KSR2: variants seen among roughly 807,000 people sequenced by gnomAD.
KSR2 encodes kinase suppressor of ras 2.
A neutral mutation model predicts 107.8 loss-of-function variants in KSR2; 25 were observed. The observed-to-expected ratio is 0.23, with a 90% confidence interval of 0.17 to 0.32. The LOEUF (loss-of-function observed/expected upper bound fraction) is 0.32, where lower values mean the gene tolerates loss of function less well. Ranked by LOEUF, KSR2 falls within the 10% of genes least tolerant of loss-of-function variation. The probability of loss-of-function intolerance (pLI) is 1.00; values close to 1 mark genes in which losing one functional copy is unlikely to be tolerated. For missense variants in KSR2, 887 were observed against 1,268.9 expected, an observed-to-expected ratio of 0.70 and a Z score of 4.57; for synonymous variants, 480 against 507.0, an observed-to-expected ratio of 0.95 and a Z score of 0.71.
At chr12:117,510,968 G>C (rs548507173) in intron 14 of KSR2, among the ~76,000 whole-genome samples, 24 of 151,706 alleles carry the variant, frequency 1.6e-4, no homozygotes, top group Admixed American at 1.0e-3. Flanking sequence ...TATTTTCAGA[G>C]CCTTATGTCT....
intron 9 of KSR2, among the ~76,000 whole-genome samples, chr12:117,554,499 A>G (rs1877522762): frequency 6.6e-6 from 1 of 152,134 alleles, no homozygotes; most frequent in African/African-American, 2.4e-5. Flanking sequence ...CTGGGTCTCC[A>G]CCCAAATCTC....
At chr12:117,955,198 T>C (rs1191101399) in intron 1 of KSR2, among the ~76,000 whole-genome samples, 1 of 151,980 alleles carries the variant, frequency 6.6e-6, no homozygotes, top group Admixed American at 6.6e-5. Flanking sequence ...CATGGCTCAC[T>C]GCAGCCTCAA....
intron 5 of KSR2, among the ~76,000 whole-genome samples, chr12:117,645,124 G>A (rs1373940647): frequency 6.6e-6 from 1 of 152,170 alleles, no homozygotes; most frequent in Non-Finnish European, 1.5e-5. Flanking sequence ...ACTTAGAACT[G>A]TGAAGATGGA....
intron 1 of KSR2, among the ~76,000 whole-genome samples, chr12:117,940,757 T>C (rs542994241): frequency 1.3e-5 from 2 of 152,356 alleles, no homozygotes; most frequent in Admixed American, 6.5e-5. Flanking sequence ...TTTTATAGCA[T>C]TTTTTGTTTT....
chr12:117,609,396 C>T (rs1014480666), intron 5 of KSR2, among the ~76,000 whole-genome samples: 3 of 152,254 alleles, frequency 2.0e-5, no homozygotes, highest in African/African-American at 7.2e-5. Context: ...TAGAATCTAA[C>T]TAACCCAGAG....
chr12:117,594,981 GAC>G (rs10531921), intron 5 of KSR2, among the ~76,000 whole-genome samples: 94,106 of 151,790 alleles, frequency 0.62, 30,520 homozygotes, highest in East Asian at 0.78. Context: ...TGCCCAGAAA[GAC>G]AGGGAAGGAC....
intron 4 of KSR2, among the ~76,000 whole-genome samples, chr12:117,722,339 G>C (rs1471161767): frequency 6.6e-6 from 1 of 152,206 alleles, no homozygotes; most frequent in Non-Finnish European, 1.5e-5. Flanking sequence ...ATCTTGAAGA[G>C]GAGCTGGGTA....
At position 117,481,238 on chromosome 12, in the gene KSR2, G is replaced by A. The variant is rs151125708; in HGVS notation, c.2450+3178C>T. 4.6e-5 allele frequency among the ~76,000 whole-genome samples: 7 copies of A among 152,236 alleles called. No individual in the cohort carries two copies. The East Asian group carries it at 1.4e-3, about 29-fold the overall frequency. On this transcript the variant is annotated intron_variant, in intron 16 of 19. Coordinates refer to ENST00000339824, the MANE Select transcript of KSR2 (RefSeq NM_173598.6). ...AGGTGTGTGTTAAACACAAGTTTCTGGAATCTATCTCAAGGTATTATAGAC... is the reference window on the plus strand; with the variant it reads ...AGGTGTGTGTTAAACACAAGTTTCTAGAATCTATCTCAAGGTATTATAGAC...
At chr12:117,760,025 C>A (rs557660781) in intron 4 of KSR2, among the ~76,000 whole-genome samples, 1 of 152,322 alleles carries the variant, frequency 6.6e-6, no homozygotes, top group Admixed American at 6.5e-5. Flanking sequence ...AGGAGAATCA[C>A]TTGAACCTGG....
chr12:117,779,418 A>G lies in KSR2; in HGVS notation c.473-17894T>C, dbSNP rs79676763. 9.2e-3 allele frequency among the ~76,000 whole-genome samples: 1,397 copies of G among 152,314 alleles called. 31 individuals carry two copies. The highest frequency in any genetic ancestry group is 0.032 in the African/African-American group (1,312 of 41,568). On this transcript the variant is annotated intron_variant, in intron 3 of 19. Coordinates refer to ENST00000339824, the MANE Select transcript of KSR2 (RefSeq NM_173598.6). ...AAATTTCTTAACCTCTCTGAACTTC[A>G]GTTCATGCATCTAAAAAGGGAATAA...
At chr12:117,547,997 T>A (rs1565894813) in intron 9 of KSR2, among the ~76,000 whole-genome samples, 1 of 152,018 alleles carries the variant, frequency 6.6e-6, no homozygotes, top group Non-Finnish European at 1.5e-5. Context: ...TCTGGGAGAC[T>A]GAGGCAGGAG....
At chr12:117,770,686 C>T (rs1341471486) in intron 3 of KSR2, among the ~76,000 whole-genome samples, 3 of 151,606 alleles carry the variant, frequency 2.0e-5, no homozygotes, top group Non-Finnish European at 4.4e-5. Context: ...TGACAGTTAT[C>T]GGTCGGGCGC....
intron 1 of KSR2, among the ~76,000 whole-genome samples, chr12:117,961,088 C>G (rs538787603): frequency 5.9e-5 from 9 of 152,286 alleles, no homozygotes; most frequent in African/African-American, 1.9e-4. Context: ...TGTGACCCAC[C>G]ACATCCAGCC....
intron 5 of KSR2, among the ~76,000 whole-genome samples, chr12:117,645,307 A>G (rs1486481977): frequency 6.6e-6 from 1 of 152,128 alleles, no homozygotes; most frequent in African/African-American, 2.4e-5. Context: ...ATTTTTTTTT[A>G]GTACATGAAC....
At chr12:117,882,881 G>C (rs1894069755) in intron 1 of KSR2, among the ~76,000 whole-genome samples, 2 of 135,722 alleles carry the variant, frequency 1.5e-5, no homozygotes, top group African/African-American at 2.8e-5. Context: ...ATCCATGCAG[G>C]CATCCATCCA....
In KSR2 at chr12:117,793,901, T is replaced by C. The variant is rs558763670; in HGVS notation, c.473-32377A>G. ...CACATACAACATGCACACACCAACA[T>C]GCACACTCACACCAACATGCACACA... is the stretch of plus-strand genomic sequence containing the variant. On this transcript the variant is annotated intron_variant, in intron 3 of 19. Transcript: ENST00000339824. Among the ~76,000 whole-genome samples, 14 of 129,596 alleles carry C rather than the reference T, an allele frequency of 1.1e-4. No homozygotes were observed. In the East Asian group the frequency reaches 3.3e-3, roughly 30 times the overall value. The allele number at this position is 129,596 out of a possible 152,430, so 85.0% of individuals were successfully genotyped here. A position where few individuals can be genotyped will look rare whatever the true frequency, so the allele number is the denominator to read the frequency against.
intron 14 of KSR2, among the ~76,000 whole-genome samples, chr12:117,511,820 G>C (rs1008830640): frequency 2.0e-5 from 3 of 152,122 alleles, no homozygotes; most frequent in Admixed American, 2.0e-4. Context: ...AAACAATACT[G>C]CTCAGTCCCC....
chr12:117,814,485 G>A (rs1891302754), intron 3 of KSR2, among the ~76,000 whole-genome samples: 1 of 152,118 alleles, frequency 6.6e-6, no homozygotes, highest in African/African-American at 2.4e-5. Context: ...GGGGGGCTCT[G>A]CCACTTTCAC....
chr12:117,908,163 A>G (rs1010195994), intron 1 of KSR2, among the ~76,000 whole-genome samples: 1 of 152,228 alleles, frequency 6.6e-6, no homozygotes, highest in Non-Finnish European at 1.5e-5. Context: ...GAACATATTT[A>G]AATGAACTTA....
Sources: allele counts gnomAD v4.1 joint callset (sites outside exome capture counted in the v4.1 genomes callset), GRCh38; gene constraint gnomAD v4.1.1; transcripts MANE v1.5; gene names NCBI Gene and HGNC (gene_info 2026-07-23, HGNC 2026-07-21).